The following PNISR variants were observed in gnomAD, a reference collection of about 807,000 sequenced individuals.
PNISR encodes the protein PNN interacting serine and arginine rich protein.
PNISR carries 20 observed loss-of-function variants against 93.4 expected under a neutral mutation model. The observed-to-expected ratio is 0.21, with a 90% CI of 0.15 to 0.31. The LOEUF (loss-of-function observed/expected upper bound fraction) is 0.31, where lower values mean the gene tolerates loss of function less well. Ranked by LOEUF, PNISR falls within the 10% of genes least tolerant of loss-of-function variation. The probability of loss-of-function intolerance (pLI) is 1.00; values close to 1 mark genes in which losing one functional copy is unlikely to be tolerated. For synonymous variants in PNISR, 305 were observed against 306.5 expected, an observed-to-expected ratio of 0.99 and a Z score of 0.05; for missense variants, 893 against 985.4, an observed-to-expected ratio of 0.91 and a Z score of 1.25.
intron 1 of PNISR, among the ~76,000 whole-genome samples, chr6:99,420,448 G>A (rs1246089382): frequency 6.6e-6 from 1 of 152,124 alleles, no homozygotes; most frequent in Non-Finnish European, 1.5e-5. Context: ...TGCTTGATAA[G>A]GAGTTTCATT....
intron 5 of PNISR, 98 bp downstream of exon 5, chr6:99,410,642 GA>G (rs1302214194): frequency 8.9e-6 from 7 of 789,364 alleles, no homozygotes; most frequent in Admixed American, 2.2e-5. Context: ...ATACAAGTCT[GA>G]AAAGTGAAAC....
At position 99,408,198 on chromosome 6, in the gene PNISR, C is replaced by T. The variant is rs140079570; in HGVS notation, c.747G>A (p.Lys249=). 1.5e-4 allele frequency: 241 copies of T among 1,613,264 alleles called. No individual in the cohort carries two copies. In the African/African-American group the frequency reaches 3.0e-3, roughly 20 times the overall value. The change falls in exon 7 of 12, where the codon AAG becomes AAA. Residue 249 remains lysine (K), a synonymous_variant. Transcript: ENST00000369239. ...GLEKMEREKQ[K]KLEKERMEQQ... is the part of the protein sequence containing the mutation. ...GTTCCATTCTTTCTTTCTCCAATTT[C>T]TTCTGCTTTTCACGTTCCATTTTTT... is the stretch of plus-strand genomic sequence containing the variant.
At position 99,404,608 on chromosome 6, in the gene PNISR, G is replaced by A. The variant is rs981272678; in HGVS notation, c.1097C>T (p.Thr366Met). 4.5e-6 allele frequency: 7 copies of A among 1,563,620 alleles called. No homozygotes were observed. The highest frequency in any genetic ancestry group is 1.4e-5 in the African/African-American group (1 of 73,852). Residue 366 changes from threonine to methionine, a missense_variant, in exon 9 of 12, where the codon ACG becomes ATG. By Grantham distance (81) the Thr-to-Met change is moderately conservative (BLOSUM62 -1). Transcript: ENST00000369239. ...CCAGAAACACCAAAATATACCTTTCGTTGCTTTGCGGTGTGCATCTTTGGC... is the reference window on the plus strand; with the variant it reads ...CCAGAAACACCAAAATATACCTTTCATTGCTTTGCGGTGTGCATCTTTGGC... ...YVAKDAHRKATKAPAKQLAQS... is the reference protein window; with the variant it reads ...YVAKDAHRKAMKAPAKQLAQS...
chr6:99,424,822 C>G (rs928312413), intron 1 of PNISR: 1 of 168,170 alleles, frequency 5.9e-6, no homozygotes, highest in African/African-American at 2.4e-5. Flanking sequence ...CCTGCGTAGT[C>G]AGAGCCTCAA....
chr6:99,408,015 A>G (rs1776374055), intron 7 of PNISR, 66 bp downstream of exon 7: 1 of 1,163,306 alleles, frequency 8.6e-7, no homozygotes, highest in African/African-American at 1.5e-5. Flanking sequence ...TAAAATATCT[A>G]TTTCAGTAAA....
chr6:99,419,259 G>A (rs369305940), intron 1 of PNISR, among the ~76,000 whole-genome samples: 2 of 140,634 alleles, frequency 1.4e-5, no homozygotes, highest in East Asian at 2.3e-4. Flanking sequence ...CAATTCCACC[G>A]CAGGGTCCTA....
chr6:99,402,511 C>A, intron 11 of PNISR, 29 bp downstream of exon 11: 2 of 1,462,398 alleles, frequency 1.4e-6, no homozygotes, highest in Non-Finnish European at 1.8e-6. Flanking sequence ...AAAACTGGAC[C>A]AAAATTAAGT....
At chr6:99,413,279 T>G (rs796787965) in intron 3 of PNISR, among the ~76,000 whole-genome samples, 8 of 152,314 alleles carry the variant, frequency 5.3e-5, no homozygotes, top group African/African-American at 1.9e-4. Flanking sequence ...ACATGACTAG[T>G]GTAGTCTGGC....
intron 6 of PNISR, 90 bp downstream of exon 6, chr6:99,409,083 C>G (rs997474306): frequency 1.9e-6 from 2 of 1,063,052 alleles, no homozygotes; most frequent in African/African-American, 1.6e-5. Context: ...ATCAGAGATA[C>G]TCAAACAATT....
chr6:99,407,912 T>C (rs887674270), intron 7 of PNISR, among the ~76,000 whole-genome samples, 169 bp downstream of exon 7: 5 of 152,252 alleles, frequency 3.3e-5, no homozygotes, highest in African/African-American at 9.6e-5. Context: ...TTCTCCTTAC[T>C]GTATCTTCAG....
intron 4 of PNISR, 34 bp from the exon 5 acceptor site, chr6:99,410,998 G>A (rs1181904423): frequency 6.7e-7 from 1 of 1,483,362 alleles, no homozygotes; most frequent in Non-Finnish European, 9.4e-7. Context: ...ACATTCAACA[G>A]GCGGTTATAA....
At chr6:99,422,336 C>G (rs1368009681) in intron 1 of PNISR, among the ~76,000 whole-genome samples, 1 of 152,112 alleles carries the variant, frequency 6.6e-6, no homozygotes, top group African/African-American at 2.4e-5. Flanking sequence ...AAATCAACCA[C>G]AAAGCTGAGA....
chr6:99,417,749 T>C (rs1777893641), intron 1 of PNISR, among the ~76,000 whole-genome samples: 2 of 152,070 alleles, frequency 1.3e-5, no homozygotes, highest in South Asian at 4.1e-4. Flanking sequence ...GTGGATTACC[T>C]GAGGTCAGGC....
In PNISR at chr6:99,409,186, C is replaced by T. The variant is rs755945904; in HGVS notation, c.660G>A (p.Glu220=). 2 of 1,613,282 alleles carry T rather than the reference C, an allele frequency of 1.2e-6. No homozygotes were observed. The highest frequency in any genetic ancestry group is 1.7e-6 in the Non-Finnish European group (2 of 1,179,370). The change falls in exon 6 of 12, where the codon GAG becomes GAA. Residue 220 remains glutamate (E), a synonymous_variant. Coordinates refer to ENST00000369239, the MANE Select transcript of PNISR (RefSeq NM_032870.4). Reference sequence around the variant, plus strand: ...TTAAATAGCTACCAATTTGTGGAGGCTCCTGCTTCACAGGAAGTGCAATAG... The same window carrying T: ...TTAAATAGCTACCAATTTGTGGAGGTTCCTGCTTCACAGGAAGTGCAATAG... ...RSPIALPVKQ[E]PPQIDAVKRR...
intron 8 of PNISR, among the ~76,000 whole-genome samples, chr6:99,405,027 C>T (rs1775981528): frequency 6.6e-6 from 1 of 152,148 alleles, no homozygotes; most frequent in South Asian, 2.1e-4. Context: ...GATCTGCCTG[C>T]CTTGGCCTCC....
chr6:99,405,813 C>T (rs1378263957), intron 8 of PNISR, among the ~76,000 whole-genome samples: 1 of 151,992 alleles, frequency 6.6e-6, no homozygotes, highest in African/African-American at 2.4e-5. Context: ...TGCCTTGGTC[C>T]CCTGAAGTAC....
rs745495925 is a variant in PNISR at position 99,406,183 on chromosome 6, A to T, written c.865-15T>A. 6.4e-7 allele frequency: 1 copy of T among 1,569,618 alleles called. No individual in the cohort carries two copies. On this transcript the variant is annotated splice_polypyrimidine_tract_variant and intron_variant, in intron 7 of 11. Coordinates refer to ENST00000369239, the MANE Select transcript of PNISR (RefSeq NM_032870.4). ...TCATCACTATCCTATAAAAAACAAT[A>T]GTATGGTAGTCCAAATTCATGTGTA... is the stretch of plus-strand genomic sequence containing the variant.
chr6:99,400,666 A>G lies in PNISR; in HGVS notation c.2292T>C (p.Ser764=), dbSNP rs767061158. 6.2e-7 allele frequency: 1 copy of G among 1,613,928 alleles called. No homozygotes were observed. Among genetic ancestry groups the G allele is most frequent in the African/African-American group, 1.3e-5 (1 of 74,906 alleles). The change falls in exon 12 of 12, where the codon TCT becomes TCC. Residue 764 remains serine, a synonymous_variant. Coordinates refer to ENST00000369239, the MANE Select transcript of PNISR (RefSeq NM_032870.4). ...SDSSGRSSSE[S]PGSSKEKKAK... ...CCTTCTTTTCTTTGCTACTTCCTGG[A>G]GACTCAGAACTGCTCCTTCCACTAG...
intron 1 of PNISR, among the ~76,000 whole-genome samples, chr6:99,422,895 A>AAAAC (rs1554220013): frequency 1.5e-4 from 20 of 132,998 alleles, no homozygotes; most frequent in Non-Finnish European, 2.8e-4. Context: ...AAAAAAAAAA[A>AAAAC]AAAACTGGAG....
Sources: gnomAD v4.1 joint callset for allele counts (sites outside exome capture counted in the v4.1 genomes callset) on GRCh38, gnomAD v4.1.1 for gene constraint, MANE v1.5 for transcripts, NCBI Gene and HGNC (gene_info 2026-07-23, HGNC 2026-07-21) for gene names.